The following WDR7 variants were observed in gnomAD, a reference collection of about 807,000 sequenced individuals.
The protein encoded by WDR7 is WD repeat domain 7.
Under a neutral mutation model 169.4 loss-of-function variants are expected in WDR7, and 46 were observed. The observed-to-expected ratio is 0.27, with a 90% confidence interval of 0.21 to 0.35. The LOEUF (loss-of-function observed/expected upper bound fraction) is 0.35, where lower values mean the gene tolerates loss of function less well. Among genes scored for constraint, WDR7 ranks in the 10% least tolerant of loss-of-function variants. The probability of loss-of-function intolerance (pLI) is 1.00; values close to 1 mark genes in which losing one functional copy is unlikely to be tolerated. For missense variants in WDR7, 1,534 were observed against 1,859.3 expected (o/e 0.83, Z 3.22); for synonymous variants, 612 against 666.8 (o/e 0.92, Z 1.27).
At chr18:56,778,233 G>A (rs1018022486) in intron 17 of WDR7, among the ~76,000 whole-genome samples, 2 of 152,092 alleles carry the variant, frequency 1.3e-5, no homozygotes, top group Non-Finnish European at 2.9e-5. Flanking sequence ...TCTCTCTCCC[G>A]CTCTCATTCA....
intron 22 of WDR7, among the ~76,000 whole-genome samples, chr18:56,924,792 C>G (rs1391113334): frequency 6.6e-6 from 1 of 152,186 alleles, no homozygotes; most frequent in African/African-American, 2.4e-5. Flanking sequence ...ATACACATAT[C>G]ATGAAATTTA....
At chr18:56,820,359 A>AAAACAAAAAAAAAAAAAC (rs1555695957) in intron 20 of WDR7, among the ~76,000 whole-genome samples, 8 of 127,510 alleles carry the variant, frequency 6.3e-5, no homozygotes, top group African/African-American at 2.8e-4. Context: ...AAAAAAAAAA[A>AAAACAAAAAAAAAAAAAC]AAAAACCACC....
intron 21 of WDR7, among the ~76,000 whole-genome samples, chr18:56,887,138 G>A (rs145152437): frequency 0.014 from 2,120 of 152,254 alleles, 29 homozygotes; most frequent in East Asian, 0.035. Context: ...CTGTGGCAGA[G>A]TAGAAACATA....
chr18:56,848,316 T>G (rs1425333636), intron 20 of WDR7, among the ~76,000 whole-genome samples: 1 of 152,260 alleles, frequency 6.6e-6, no homozygotes, highest in African/African-American at 2.4e-5. Context: ...GTTTACCTTA[T>G]GCCTGTAGCA....
chr18:56,920,454 T>C (rs1439584242), intron 21 of WDR7, among the ~76,000 whole-genome samples: 1 of 152,214 alleles, frequency 6.6e-6, no homozygotes, highest in Non-Finnish European at 1.5e-5. Flanking sequence ...TCTCTTTTTT[T>C]CCCTAGCACA....
downstream of WDR7, chr18:57,031,581 A>G (rs1209532694): frequency 6.6e-6 from 1 of 152,232 alleles, no homozygotes. Flanking sequence ...GAGTATTAAA[A>G]ATATAGTGAA....
chr18:57,011,584 C>T (rs1185631423), intron 26 of WDR7, among the ~76,000 whole-genome samples: 2 of 152,044 alleles, frequency 1.3e-5, no homozygotes, highest in Admixed American at 1.3e-4. Flanking sequence ...TTGGAAAATG[C>T]CAAAACAGGT....
At chr18:56,764,023 CTAT>C (rs1336713103) in intron 16 of WDR7, among the ~76,000 whole-genome samples, 1 of 151,628 alleles carries the variant, frequency 6.6e-6, no homozygotes, top group African/African-American at 2.4e-5. Context: ...TCATTGATAT[CTAT>C]TATTTTTCTA....
intron 12 of WDR7, among the ~76,000 whole-genome samples, chr18:56,707,558 C>A (rs1243079571): frequency 6.6e-6 from 1 of 152,014 alleles, no homozygotes; most frequent in Non-Finnish European, 1.5e-5. Flanking sequence ...TGCTCATTGC[C>A]TGAAAATTGG....
intron 25 of WDR7, among the ~76,000 whole-genome samples, chr18:56,939,973 A>G (rs891514620): frequency 2.0e-5 from 3 of 151,514 alleles, no homozygotes; most frequent in Non-Finnish European, 4.4e-5. Context: ...TTATTATAGC[A>G]TGAAGGGGTA....
chr18:56,996,307 A>C (rs1233851103), intron 26 of WDR7, among the ~76,000 whole-genome samples: 1 of 152,158 alleles, frequency 6.6e-6, no homozygotes, highest in Admixed American at 6.5e-5. Flanking sequence ...ATTAGATTCT[A>C]TATAAAGCAT....
chr18:56,755,588 C>T (rs1052686643), intron 14 of WDR7, among the ~76,000 whole-genome samples: 4 of 152,098 alleles, frequency 2.6e-5, no homozygotes, highest in Non-Finnish European at 4.4e-5. Context: ...GAGATGAGAA[C>T]GTAAAAATGT....
chr18:56,740,791 A>G (rs2043608835), intron 14 of WDR7, among the ~76,000 whole-genome samples: 1 of 152,168 alleles, frequency 6.6e-6, no homozygotes, highest in Admixed American at 6.5e-5. Context: ...TTCTAGAGAC[A>G]TTCTTAGTCT....
chr18:56,773,584 T>A (rs915717769), intron 16 of WDR7, among the ~76,000 whole-genome samples: 1 of 152,108 alleles, frequency 6.6e-6, no homozygotes, highest in Non-Finnish European at 1.5e-5. Flanking sequence ...TATGATATAT[T>A]ATACATAACC....
chr18:56,770,453 G>A (rs988791931), intron 16 of WDR7, among the ~76,000 whole-genome samples: 3 of 152,134 alleles, frequency 2.0e-5, no homozygotes, highest in Non-Finnish European at 4.4e-5. Flanking sequence ...ATGGTTCTTG[G>A]TCTTAGAGAA....
intron 21 of WDR7, among the ~76,000 whole-genome samples, chr18:56,883,410 A>G (rs758745591): frequency 2.6e-5 from 4 of 151,644 alleles, no homozygotes; most frequent in Non-Finnish European, 2.9e-5. Context: ...TAGCTTCTAT[A>G]TGACTTTTCT....
rs1184258008 is a variant in WDR7 at position 56,816,151 on chromosome 18, A to G, written c.3304+7A>G. The G allele has an allele frequency of 1.9e-6, 3 of 1,599,604 alleles. No homozygotes were observed. The highest frequency in any genetic ancestry group is 2.6e-6 in the Non-Finnish European group (3 of 1,175,810). On this transcript the variant is annotated splice_region_variant and intron_variant, in intron 20 of 27. Coordinates refer to ENST00000254442, the MANE Select transcript of WDR7 (RefSeq NM_015285.3). ...GACGATGACATCACCACTGGTAAGC[A>G]CAGACATCTTTAACGTCTGATTGGA...
Position 56,964,225 on chromosome 18 carries a change from AAAG to A in WDR7, c.4164+1699_4164+1701del, listed in dbSNP as rs1364369156. 9.2e-5 allele frequency among the ~76,000 whole-genome samples: 14 copies of A among 152,102 alleles called. No homozygotes were observed. In the East Asian group the frequency reaches 1.4e-3, roughly 15 times the overall value. ...GGTAACATGCAAAAAAAAAAAAAAA[AAAG>A]AATATTTTTGAATATCTTATCTTTT... On this transcript the variant is annotated intron_variant, in intron 26 of 27. Transcript: ENST00000254442.
At chr18:56,732,523 G>A (rs988703542) in intron 14 of WDR7, among the ~76,000 whole-genome samples, 6 of 152,132 alleles carry the variant, frequency 3.9e-5, no homozygotes, top group Admixed American at 2.0e-4. Context: ...CCATGAGTTC[G>A]TGCGTGCTGA....
Sources: allele counts gnomAD v4.1 joint callset (sites outside exome capture counted in the v4.1 genomes callset), GRCh38; gene constraint gnomAD v4.1.1; transcripts MANE v1.5; gene names NCBI Gene and HGNC (gene_info 2026-07-23, HGNC 2026-07-21).